The following RRP1B variants were observed in gnomAD, a reference collection of about 807,000 sequenced individuals.
RRP1B encodes ribosomal RNA processing protein 1 homolog B.
In RRP1B, 56 loss-of-function variants were observed where a neutral mutation model predicts 80.2. That is an observed-to-expected ratio of 0.70 (90% confidence interval 0.56 to 0.87). RRP1B has a LOEUF of 0.87. Ranked by LOEUF, RRP1B falls within the 40% of genes least tolerant of loss-of-function variation. The pLI, the probability that RRP1B is intolerant of heterozygous loss-of-function variation, is 0.00. For missense variants in RRP1B, 807 were observed against 939.8 expected (o/e 0.86, Z 1.85); for synonymous variants, 351 against 357.6 (o/e 0.98, Z 0.21).
chr21:43,690,421 C>T lies in RRP1B; in HGVS notation c.2000C>T (p.Pro667Leu). ...GCCAAGAGCAGCACTGCCACCCACC[C>T]TCCAGGCCCTGCCGTCCAGGTACGC... ...RRAKSSTATH[P>L]PGPAVQLNKT... Residue 667 changes from proline to leucine, a missense_variant, in exon 14 of 16, where the codon CCT becomes CTT. Coordinates refer to ENST00000340648, the MANE Select transcript of RRP1B (RefSeq NM_015056.3). 6.2e-7 allele frequency: 1 copy of T among 1,614,158 alleles called. No individual in the cohort carries two copies. The highest frequency in any genetic ancestry group is 1.1e-5 in the South Asian group (1 of 91,076).
intron 1 of RRP1B, among the ~76,000 whole-genome samples, chr21:43,661,949 GC>G (rs2082959327): frequency 6.6e-6 from 1 of 152,296 alleles, no homozygotes; most frequent in South Asian, 2.1e-4. Context: ...CTAGCATCTT[GC>G]CCTACTCCTC....
At chr21:43,687,176 C>G (rs1163151390) in intron 12 of RRP1B, among the ~76,000 whole-genome samples, 1 of 152,196 alleles carries the variant, frequency 6.6e-6, no homozygotes. Context: ...TGCAGGGAAG[C>G]AGGAGCTGCA....
intron 8 of RRP1B, among the ~76,000 whole-genome samples, chr21:43,679,590 T>C (rs764866379): frequency 6.6e-6 from 1 of 152,208 alleles, no homozygotes; most frequent in Non-Finnish European, 1.5e-5. Flanking sequence ...TTATTCTTTT[T>C]GCTTAGTCTT....
intron 8 of RRP1B, among the ~76,000 whole-genome samples, chr21:43,681,449 G>A (rs192154390): frequency 1.3e-5 from 2 of 150,866 alleles, no homozygotes; most frequent in African/African-American, 2.4e-5. Context: ...TCTGCCTCCC[G>A]GGTTCAAGCA....
intron 1 of RRP1B, among the ~76,000 whole-genome samples, chr21:43,660,574 A>G (rs1157890301): frequency 6.6e-6 from 1 of 152,060 alleles, no homozygotes; most frequent in Admixed American, 6.5e-5. Context: ...AAAAGAAAAG[A>G]AAAGAAAAAA....
In RRP1B at chr21:43,687,498, G is replaced by A. The variant is rs889828236; in HGVS notation, c.1142-18G>A. 8.8e-6 allele frequency: 13 copies of A among 1,470,764 alleles called. No homozygotes were observed. The African/African-American group carries it at 1.8e-4, about 21-fold the overall frequency. 91.1% of individuals were successfully genotyped at this position (1,470,764 alleles called of 1,614,324 possible). A position where few individuals can be genotyped will look rare whatever the true frequency, so the allele number is the denominator to read the frequency against. On this transcript the variant is annotated intron_variant, in intron 12 of 15. Transcript: ENST00000340648. ...CAGCTGGCACTGGGTGCTTGTTGAT[G>A]GGTTTCTGTCTTTTTAGGAAGCAGA...
rs1190643891 is a variant in RRP1B, at chr21:43,695,721, A to C, written c.*2338A>C. 3 of 152,250 alleles carry C rather than the reference A, an allele frequency of 2.0e-5. No individual in the cohort carries two copies. The highest frequency in any genetic ancestry group is 6.5e-5 in the Admixed American group (1 of 15,286). 9.4% of individuals were successfully genotyped at this position (152,250 alleles called of 1,614,324 possible). On this transcript the variant is annotated 3_prime_UTR_variant, in exon 16 of 16. Coordinates refer to ENST00000340648, the MANE Select transcript of RRP1B (RefSeq NM_015056.3). Reference sequence around the variant, plus strand: ...TGGACTTGGAAGTCCAGAAAGGAAAATAATTTAAATTAATGCTGGTGATCT... The same window carrying C: ...TGGACTTGGAAGTCCAGAAAGGAAACTAATTTAAATTAATGCTGGTGATCT...
chr21:43,662,656 C>T (rs1173622007), intron 1 of RRP1B, among the ~76,000 whole-genome samples: 2 of 151,924 alleles, frequency 1.3e-5, no homozygotes, highest in African/African-American at 2.4e-5. Flanking sequence ...AACAGTGTTG[C>T]GCTCTTGCTT....
Position 43,691,331 on chromosome 21 carries a change from G to C in RRP1B, c.2020-108G>C. 1 of 954,952 alleles carries C rather than the reference G, an allele frequency of 1.0e-6. No homozygotes were observed. The highest frequency in any genetic ancestry group is 2.5e-5 in the East Asian group (1 of 39,782). The allele number at this position is 954,952 out of a possible 1,614,324, so 59.2% of individuals were successfully genotyped here. On this transcript the variant is annotated intron_variant, in intron 14 of 15. Transcript: ENST00000340648. The surrounding 1 kb of genome is among the most constrained non-coding windows in gnomAD (Gnocchi z 4.2). The stretch of plus-strand genomic sequence containing the variant: ...CCCTATATGTGCCACTCAGTAAGCA[G>C]CAGTGTGGGCGGCATACCCTCCAGG...
Position 43,693,258 on chromosome 21 carries a change from G to A in RRP1B, c.2152G>A (p.Glu718Lys), listed in dbSNP as rs532621999. The change falls in exon 16 of 16, where the codon GAA becomes AAA. Residue 718 changes from glutamate to lysine, a missense_variant. By Grantham distance (56) the Glu-to-Lys change is moderately conservative (BLOSUM62 1). Coordinates refer to ENST00000340648, the MANE Select transcript of RRP1B (RefSeq NM_015056.3). The surrounding 1 kb of genome is among the most constrained non-coding windows in gnomAD (Gnocchi z 4.1). ...TGPSRVAFDP[E>K]QKPLHGVLKT... ...CCCTTCTCGAGTGGCCTTCGACCCT[G>A]AACAGAAGCCCCTCCACGGGGTGCT... 1.9e-6 allele frequency: 3 copies of A among 1,614,026 alleles called. No individual in the cohort carries two copies. Among genetic ancestry groups the A allele is most frequent in the African/African-American group, 1.3e-5 (1 of 74,990 alleles).
At chr21:43,675,238 G>T (rs1015779984) in intron 6 of RRP1B, 75 bp downstream of exon 6, 33 of 1,466,426 alleles carry the variant, frequency 2.3e-5, no homozygotes, top group Non-Finnish European at 3.0e-5. Context: ...GTGAAGTGCT[G>T]TGGGGTGGCC....
At chr21:43,689,152 G>C (rs1022333551) in intron 13 of RRP1B, among the ~76,000 whole-genome samples, 1 of 152,258 alleles carries the variant, frequency 6.6e-6, no homozygotes, top group African/African-American at 2.4e-5. Flanking sequence ...CACTGCAACA[G>C]AGCCACATCC....
intron 8 of RRP1B, among the ~76,000 whole-genome samples, chr21:43,678,682 G>A (rs1199423342): frequency 6.6e-6 from 1 of 152,066 alleles, no homozygotes; most frequent in Non-Finnish European, 1.5e-5. Flanking sequence ...TTAGTCCTTT[G>A]TTGGCTGCAT....
intron 9 of RRP1B, among the ~76,000 whole-genome samples, chr21:43,684,115 A>T (rs1480769775): frequency 7.1e-6 from 1 of 140,682 alleles, no homozygotes; most frequent in Non-Finnish European, 1.5e-5. Context: ...TCTGTCTCCC[A>T]GGCTGGAGTG....
chr21:43,690,734 T>C (rs537260176), intron 14 of RRP1B, among the ~76,000 whole-genome samples: 1 of 152,326 alleles, frequency 6.6e-6, no homozygotes, highest in African/African-American at 2.4e-5. Context: ...AATGTCACAG[T>C]GTTAAACACA....
At chr21:43,686,544 C>A in intron 11 of RRP1B, 1 of 363,234 alleles carries the variant, frequency 2.8e-6, no homozygotes, top group Non-Finnish European at 5.1e-6. Context: ...AATGCAGAGA[C>A]TGCATTAGCC....
rs1274162382 is a variant in RRP1B at position 43,691,793 on chromosome 21, C to T, written c.2083+291C>T. On this transcript the variant is annotated intron_variant, in intron 15 of 15. Coordinates refer to ENST00000340648, the MANE Select transcript of RRP1B (RefSeq NM_015056.3). This position sits in a 1 kb window ranked among gnomAD's most constrained non-coding sequence, Gnocchi z 4.2. ...TAGCGGGTAGCTGGGATCACAGGTG[C>T]ACGCCATCACATCCAGCTAATTTTT... 6.6e-6 allele frequency among the ~76,000 whole-genome samples: 1 copy of T among 152,126 alleles called. No homozygotes were observed. Among genetic ancestry groups the T allele is most frequent in the East Asian group, 1.9e-4 (1 of 5,194 alleles).
intron 2 of RRP1B, among the ~76,000 whole-genome samples, chr21:43,670,725 G>C (rs897869481): frequency 6.6e-5 from 10 of 152,066 alleles, no homozygotes; most frequent in African/African-American, 2.4e-4. Context: ...TGTATACTGT[G>C]TGTGGCCCAA....
chr21:43,672,676 G>A (rs537597963), intron 3 of RRP1B, among the ~76,000 whole-genome samples: 41 of 152,276 alleles, frequency 2.7e-4, no homozygotes, highest in Admixed American at 1.8e-3. Flanking sequence ...TGCCAGGTTC[G>A]TCTTCCCCAA....
Sources: allele counts gnomAD v4.1 joint callset (sites outside exome capture counted in the v4.1 genomes callset), GRCh38; gene constraint gnomAD v4.1.1; non-coding constraint Gnocchi (gnomAD v3.1); transcripts MANE v1.5; gene names NCBI Gene and HGNC (gene_info 2026-07-23, HGNC 2026-07-21).